DNER: variants seen among roughly 807,000 people sequenced by gnomAD.
DNER encodes delta and Notch-like epidermal growth factor-related receptor.
A neutral mutation model predicts 78.2 loss-of-function variants in DNER; 33 were observed. The ratio of observed to expected loss-of-function variants is 0.42; its 90% CI spans 0.32 to 0.56. The LOEUF is 0.56. Ranked by LOEUF, DNER falls within the 20% of genes least tolerant of loss-of-function variation. The pLI is 0.11. For synonymous variants in DNER, 417 were observed against 384.8 expected (o/e 1.08, Z -0.98); for missense variants, 918 against 975.3 (o/e 0.94, Z 0.78).
chr2:229,586,421 A>G (rs891706077), intron 3 of DNER, among the ~76,000 whole-genome samples: 3 of 125,294 alleles, frequency 2.4e-5, no homozygotes, highest in Admixed American at 1.8e-4. Context: ...CCTTTCCCCA[A>G]CACCCCCCAC....
chr2:229,412,513 A>G (rs1042331059), intron 9 of DNER, among the ~76,000 whole-genome samples: 1 of 152,244 alleles, frequency 6.6e-6, no homozygotes, highest in African/African-American at 2.4e-5. Context: ...CTGAAACCAA[A>G]AAGAATTTAA....
At chr2:229,617,555 A>G (rs982375695) in intron 1 of DNER, among the ~76,000 whole-genome samples, 1 of 152,254 alleles carries the variant, frequency 6.6e-6, no homozygotes, top group African/African-American at 2.4e-5. Flanking sequence ...ACACAAAAAA[A>G]AAGTTTATAT....
At chr2:229,621,985 C>T (rs1372273335) in intron 1 of DNER, among the ~76,000 whole-genome samples, 4 of 152,154 alleles carry the variant, frequency 2.6e-5, no homozygotes, top group Admixed American at 2.6e-4. Flanking sequence ...ACTCGGGAGG[C>T]TGAGGCAGGA....
intron 7 of DNER, among the ~76,000 whole-genome samples, chr2:229,465,998 T>A (rs1183764139): frequency 6.6e-6 from 1 of 152,138 alleles, no homozygotes; most frequent in Non-Finnish European, 1.5e-5. Flanking sequence ...CATTGTCACC[T>A]CTGCAATGCA....
intron 1 of DNER, among the ~76,000 whole-genome samples, chr2:229,697,980 A>G (rs972973389): frequency 1.2e-4 from 19 of 152,214 alleles, no homozygotes; most frequent in Non-Finnish European, 4.4e-5. Flanking sequence ...GCTTGGGACC[A>G]GGAGTTCAAG....
chr2:229,632,892 G>T (rs895108354), intron 1 of DNER, among the ~76,000 whole-genome samples: 9 of 151,992 alleles, frequency 5.9e-5, no homozygotes, highest in Admixed American at 2.6e-4. Context: ...AAAAGCTCAA[G>T]TTTACCAGTA....
chr2:229,367,220 A>G, intron 11 of DNER, 101 bp from the exon 12 acceptor site: 1 of 1,486,844 alleles, frequency 6.7e-7, no homozygotes, highest in Non-Finnish European at 9.0e-7. Context: ...CCTAAGGGCC[A>G]TTCAAACTTG....
At chr2:229,626,109 C>T (rs990783253) in intron 1 of DNER, among the ~76,000 whole-genome samples, 7 of 152,002 alleles carry the variant, frequency 4.6e-5, no homozygotes, top group Admixed American at 1.3e-4. Flanking sequence ...TTAGTAGAGA[C>T]GGGGTTTCAC....
chr2:229,689,673 G>T (rs756554212), intron 1 of DNER, among the ~76,000 whole-genome samples: 47 of 152,152 alleles, frequency 3.1e-4, no homozygotes, highest in Non-Finnish European at 5.3e-4. Context: ...GGGGAGTGGG[G>T]AGGGGCAGAT....
chr2:229,589,055 A>G (rs902255783), intron 2 of DNER, among the ~76,000 whole-genome samples: 2 of 152,158 alleles, frequency 1.3e-5, no homozygotes, highest in Admixed American at 1.3e-4. Flanking sequence ...TTATTTCCCA[A>G]AAGTATTATA....
At chr2:229,450,238 A>G (rs1192689649) in intron 7 of DNER, among the ~76,000 whole-genome samples, 3 of 152,228 alleles carry the variant, frequency 2.0e-5, no homozygotes, top group Non-Finnish European at 4.4e-5. Flanking sequence ...TGTATCCTTG[A>G]AAACTCTATG....
intron 6 of DNER, among the ~76,000 whole-genome samples, chr2:229,478,309 C>A (rs571751949): frequency 6.6e-6 from 1 of 152,234 alleles, no homozygotes; most frequent in East Asian, 1.9e-4. Context: ...TGAAAGACTG[C>A]CATTAGCACT....
chr2:229,474,842 C>A (rs1227435640), intron 7 of DNER, among the ~76,000 whole-genome samples: 1 of 152,160 alleles, frequency 6.6e-6, no homozygotes, highest in Non-Finnish European at 1.5e-5. Context: ...AAAGTTCTTC[C>A]AAATCCGTCT....
At chr2:229,634,764 C>A (rs993853261) in intron 1 of DNER, among the ~76,000 whole-genome samples, 1 of 152,142 alleles carries the variant, frequency 6.6e-6, no homozygotes, top group Non-Finnish European at 1.5e-5. Flanking sequence ...ATCACCATGG[C>A]AACCTGGCTC....
At chr2:229,549,928 A>G (rs1322369801) in intron 4 of DNER, among the ~76,000 whole-genome samples, 1 of 152,014 alleles carries the variant, frequency 6.6e-6, no homozygotes, top group Non-Finnish European at 1.5e-5. Flanking sequence ...TAATAATAAT[A>G]GAGCAAATTT....
At chr2:229,518,911 T>G (rs1696037063) in intron 5 of DNER, among the ~76,000 whole-genome samples, 1 of 152,078 alleles carries the variant, frequency 6.6e-6, no homozygotes, top group African/African-American at 2.4e-5. Context: ...TCTTTAGAAC[T>G]CATGTTTCAT....
chr2:229,578,218 G>A (rs1167064078), intron 4 of DNER, among the ~76,000 whole-genome samples: 2 of 152,112 alleles, frequency 1.3e-5, no homozygotes, highest in African/African-American at 4.8e-5. Context: ...TGTCCTGGTC[G>A]GTCGCTCGCC....
chr2:229,629,696 G>A (rs1698402297), intron 1 of DNER, among the ~76,000 whole-genome samples: 1 of 152,178 alleles, frequency 6.6e-6, no homozygotes, highest in Non-Finnish European at 1.5e-5. Context: ...CATTTACCCT[G>A]TATCAAAGCA....
At chr2:229,471,629 AG>A (rs1694926198) in intron 7 of DNER, among the ~76,000 whole-genome samples, 1 of 152,226 alleles carries the variant, frequency 6.6e-6, no homozygotes, top group South Asian at 2.1e-4. Context: ...AAGAAAACTA[AG>A]GGTGGAAGAG....
Sources: gnomAD v4.1 joint callset for allele counts (sites outside exome capture counted in the v4.1 genomes callset) on GRCh38, gnomAD v4.1.1 for gene constraint, MANE v1.5 for transcripts, NCBI Gene and HGNC (gene_info 2026-07-23, HGNC 2026-07-21) for gene names.